COLGALT2: variants seen among roughly 807,000 people sequenced by gnomAD.
The protein encoded by COLGALT2 is collagen beta(1-O)galactosyltransferase 2.
COLGALT2 carries 49 observed loss-of-function variants against 73.4 expected under a neutral mutation model. The observed-to-expected ratio is 0.67, with a 90% confidence interval of 0.53 to 0.85. The LOEUF (loss-of-function observed/expected upper bound fraction) is 0.85. Among genes scored for constraint, COLGALT2 ranks in the 40% least tolerant of loss-of-function variants. COLGALT2 has a pLI of 0.00. For missense variants in COLGALT2, 722 were observed against 790.2 expected (o/e 0.91, Z 1.03); for synonymous variants, 295 against 307.6 (o/e 0.96, Z 0.43).
At chr1:183,989,729 A>T (rs1304795816) in intron 1 of COLGALT2, among the ~76,000 whole-genome samples, 1 of 152,206 alleles carries the variant, frequency 6.6e-6, no homozygotes, top group Non-Finnish European at 1.5e-5. Context: ...AAAAAGTATG[A>T]AGTCAGGAGG....
downstream of COLGALT2, among the ~76,000 whole-genome samples, chr1:183,933,549 G>A (rs1276159585): frequency 6.6e-6 from 1 of 152,244 alleles, no homozygotes; most frequent in Non-Finnish European, 1.5e-5. Context: ...ACTCCTGTCT[G>A]GGGGTCTGTT....
intron 9 of COLGALT2, 83 bp from the exon 10 acceptor site, chr1:183,944,406 C>G: frequency 6.8e-7 from 1 of 1,463,948 alleles, no homozygotes; most frequent in Non-Finnish European, 9.2e-7. Flanking sequence ...TAAAAAGTCA[C>G]GAGTCTAGTA....
chr1:184,037,595 G>C lies in COLGALT2; in HGVS notation c.-238C>G. The C allele has an allele frequency of 9.2e-7, 1 of 1,083,960 alleles. No individual in the cohort carries two copies. Among genetic ancestry groups the C allele is most frequent in the Non-Finnish European group, 1.1e-6 (1 of 894,898 alleles). The allele number at this position is 1,083,960 out of a possible 1,614,324, so 67.1% of individuals were successfully genotyped here. A position where few individuals can be genotyped will look rare whatever the true frequency, so the allele number is the denominator to read the frequency against. ...GCGCAGCGTACCTGCAGCCGCTGGC[G>C]CTCCCCTGCGCCTCGGGCTCGCAGA... On this transcript the variant is annotated 5_prime_UTR_variant, in exon 1 of 12. Coordinates refer to ENST00000361927, the MANE Select transcript of COLGALT2 (RefSeq NM_015101.4).
At chr1:184,029,840 C>A (rs1443720754) in intron 1 of COLGALT2, among the ~76,000 whole-genome samples, 1 of 152,106 alleles carries the variant, frequency 6.6e-6, no homozygotes, top group Admixed American at 6.6e-5. Context: ...TTGTGCCACC[C>A]AGGGCATGGC....
intron 9 of COLGALT2, among the ~76,000 whole-genome samples, chr1:183,945,065 G>T (rs935384522): frequency 1.3e-5 from 2 of 152,168 alleles, no homozygotes; most frequent in East Asian, 1.9e-4. Flanking sequence ...GGTAAAGGTG[G>T]TCTGTCCTTC....
At chr1:183,931,610 G>A (rs968028455), downstream of COLGALT2, among the ~76,000 whole-genome samples, 2 of 152,060 alleles carry the variant, frequency 1.3e-5, no homozygotes, top group African/African-American at 2.4e-5. Context: ...GCGTTCAGGA[G>A]AGCCAGTTTT....
At chr1:183,974,476 C>T (rs183259092) in intron 3 of COLGALT2, among the ~76,000 whole-genome samples, 37 of 152,322 alleles carry the variant, frequency 2.4e-4, no homozygotes, top group African/African-American at 8.7e-4. Context: ...AACATTTGTA[C>T]ACTTCAATGG....
intron 1 of COLGALT2, among the ~76,000 whole-genome samples, chr1:184,017,960 A>G (rs1649059115): frequency 6.6e-6 from 1 of 152,190 alleles, no homozygotes; most frequent in Non-Finnish European, 1.5e-5. Flanking sequence ...TGCTTGGTAA[A>G]CAGTAAATGT....
Position 183,984,995 on chromosome 1 carries a change from T to C in COLGALT2, c.264-6475A>G, listed in dbSNP as rs142874703. Among the ~76,000 whole-genome samples, 401 of 146,902 alleles carry C rather than the reference T, an allele frequency of 2.7e-3. 2 individuals are homozygous for C. The highest frequency in any genetic ancestry group is 9.2e-3 in the African/African-American group (375 of 40,676). On this transcript the variant is annotated intron_variant, in intron 1 of 11. Coordinates refer to ENST00000361927, the MANE Select transcript of COLGALT2 (RefSeq NM_015101.4). ...CTGCAGGATGAGACGCTTTACTGCT[T>C]GGCTGTGGAAAAAAAAATTGAGATT...
intron 1 of COLGALT2, among the ~76,000 whole-genome samples, chr1:184,028,788 T>C (rs1355459086): frequency 6.6e-6 from 1 of 152,202 alleles, no homozygotes; most frequent in Non-Finnish European, 1.5e-5. Flanking sequence ...CTGAAAGACA[T>C]ATCTTCTAAG....
At chr1:183,987,377 T>C (rs942541936) in intron 1 of COLGALT2, among the ~76,000 whole-genome samples, 3 of 152,214 alleles carry the variant, frequency 2.0e-5, no homozygotes, top group African/African-American at 7.2e-5. Flanking sequence ...TAGTTAAATG[T>C]AGCACTGGTA....
chr1:183,947,836 C>T (rs561018416), intron 8 of COLGALT2, among the ~76,000 whole-genome samples: 1 of 152,058 alleles, frequency 6.6e-6, no homozygotes, highest in South Asian at 2.1e-4. Context: ...ACAAAATTGA[C>T]AATTATTTGC....
chr1:183,958,799 A>G (rs1478938759), intron 6 of COLGALT2, among the ~76,000 whole-genome samples: 1 of 150,800 alleles, frequency 6.6e-6, no homozygotes, highest in East Asian at 1.9e-4. Flanking sequence ...TACATCATCA[A>G]GATCTCCTTA....
At position 184,018,028 on chromosome 1, in the gene COLGALT2, C is replaced by T. The variant is rs115889466; in HGVS notation, c.263+19067G>A. Among the ~76,000 whole-genome samples, 958 of 152,202 alleles carry T rather than the reference C, an allele frequency of 6.3e-3. 10 individuals carry two copies. The highest frequency in any genetic ancestry group is 0.022 in the African/African-American group (907 of 41,534). ...AGATGTTATAAATTGCAGGATACTA[C>T]ATAACAAATTGGTTAGAAGAATAAT... On this transcript the variant is annotated intron_variant, in intron 1 of 11. Transcript: ENST00000361927.
At chr1:184,029,881 T>C (rs1019287169) in intron 1 of COLGALT2, among the ~76,000 whole-genome samples, 2 of 152,126 alleles carry the variant, frequency 1.3e-5, no homozygotes, top group African/African-American at 2.4e-5. Context: ...TTAAAGAACA[T>C]GGGATAGAGA....
At chr1:183,984,107 A>G (rs997284426) in intron 1 of COLGALT2, among the ~76,000 whole-genome samples, 4 of 152,184 alleles carry the variant, frequency 2.6e-5, no homozygotes, top group Non-Finnish European at 5.9e-5. Context: ...TCTCTGACTC[A>G]GGATAAGACA....
At chr1:183,972,769 G>C (rs1558320373) in intron 4 of COLGALT2, among the ~76,000 whole-genome samples, 1 of 151,310 alleles carries the variant, frequency 6.6e-6, no homozygotes, top group African/African-American at 2.4e-5. Context: ...GCGCGACCTC[G>C]GCTCACTGCA....
intron 6 of COLGALT2, among the ~76,000 whole-genome samples, chr1:183,961,607 C>A (rs958329095): frequency 4.6e-5 from 7 of 152,182 alleles, no homozygotes; most frequent in African/African-American, 1.7e-4. Flanking sequence ...GATGAAGAAA[C>A]TGAAGTCCTG....
At chr1:183,998,394 C>T (rs1349026824) in intron 1 of COLGALT2, among the ~76,000 whole-genome samples, 1 of 152,138 alleles carries the variant, frequency 6.6e-6, no homozygotes, top group Non-Finnish European at 1.5e-5. Context: ...CGTTGATTCT[C>T]TACATTATTT....
Sources: gnomAD v4.1 joint callset for allele counts (sites outside exome capture counted in the v4.1 genomes callset) on GRCh38, gnomAD v4.1.1 for gene constraint, MANE v1.5 for transcripts, NCBI Gene and HGNC (gene_info 2026-07-23, HGNC 2026-07-21) for gene names.